Variants in VAMP7 observed in about 807,000 individuals in gnomAD.
VAMP7 encodes the protein vesicle-associated membrane protein 7.
VAMP7 carries 14 observed loss-of-function variants against 29.6 expected under a neutral mutation model. The observed-to-expected ratio is 0.47, with a 90% confidence interval of 0.31 to 0.74. The LOEUF is 0.74. VAMP7 is among the 30% of genes least tolerant of loss of function. The pLI, the probability that VAMP7 is intolerant of heterozygous loss-of-function variation, is 0.05. For missense variants in VAMP7, 223 were observed against 262.4 expected (o/e 0.85, Z 1.04); for synonymous variants, 95 against 88.1 (o/e 1.08, Z -0.44).
At chrX:155,909,878 CTG>C (rs1211595668) in intron 5 of VAMP7, among the ~76,000 whole-genome samples, 5 of 152,066 alleles carry the variant, frequency 3.3e-5, no homozygotes, top group Non-Finnish European at 7.4e-5. Flanking sequence ...CATGCAAAGA[CTG>C]TGTAATGATC....
chrX:155,934,676 A>C (rs1247401392), intron 6 of VAMP7, among the ~76,000 whole-genome samples: 2 of 152,088 alleles, frequency 1.3e-5, no homozygotes, highest in African/African-American at 4.8e-5. Flanking sequence ...TGTGTCTTTT[A>C]ATTGGAGCAT....
chrX:155,898,023 A>G, intron 3 of VAMP7, 89 bp from the exon 4 acceptor site: 1 of 1,491,462 alleles, frequency 6.7e-7, no homozygotes, highest in East Asian at 2.3e-5. Flanking sequence ...TGCTCAGTAA[A>G]TGTTAGCTGT....
rs771121932 is a variant in VAMP7 at position 155,898,163 on chromosome X, T to C, written c.256T>C (p.Phe86Leu). ...TTTTCTGAATGAGATAAAGAAGAGG[T>C]TCCAGACTACTTACGGTTCAAGAGC... Reference protein sequence around the residue: ...FNFLNEIKKRFQTTYGSRAQT... With the variant: ...FNFLNEIKKRLQTTYGSRAQT... Residue 86 changes from phenylalanine (F) to leucine (L), a missense_variant, in exon 4 of 8, where the codon TTC becomes CTC. Coordinates refer to ENST00000286448, the MANE Select transcript of VAMP7 (RefSeq NM_005638.6). 1.2e-6 allele frequency: 2 copies of C among 1,613,588 alleles called. No individual in the cohort carries two copies. The highest frequency in any genetic ancestry group is 1.7e-6 in the Non-Finnish European group (2 of 1,179,642).
At chrX:155,893,993 G>C (rs2065955342) in intron 2 of VAMP7, among the ~76,000 whole-genome samples, 1 of 152,174 alleles carries the variant, frequency 6.6e-6, no homozygotes. Context: ...AAAAGATTTT[G>C]CCTGAGTTCC....
Position 155,942,347 on chromosome X carries a change from ACATCT to A in VAMP7, c.*402_*406del. ...AAGTATTCAAGAGACAGTATTGCTA[ACATCT>A]CATCTTAATGTCTTTTGTTATTGAG... is the stretch of plus-strand genomic sequence containing the variant. On this transcript the variant is annotated 3_prime_UTR_variant, in exon 8 of 8. Transcript: ENST00000286448. 2 of 599,744 alleles carry A rather than the reference ACATCT, an allele frequency of 3.3e-6. No individual in the cohort carries two copies. The highest frequency in any genetic ancestry group is 5.7e-6 in the Non-Finnish European group (2 of 353,376). 37.2% of individuals were successfully genotyped at this position (599,744 alleles called of 1,614,324 possible).
chrX:155,930,491 A>C (rs1459390629), intron 6 of VAMP7, among the ~76,000 whole-genome samples: 2 of 18,366 alleles, frequency 1.1e-4, no homozygotes, highest in African/African-American at 1.1e-3. Context: ...AAACCAAACA[A>C]AAAAAAAAAA....
intron 2 of VAMP7, among the ~76,000 whole-genome samples, chrX:155,891,866 G>A (rs1446507598): frequency 6.6e-6 from 1 of 152,166 alleles, no homozygotes; most frequent in Non-Finnish European, 1.5e-5. Flanking sequence ...CTAGAGGTTA[G>A]GGGTTAAATA....
chrX:155,886,053 A>G (rs1479916460), intron 1 of VAMP7, among the ~76,000 whole-genome samples: 1 of 152,122 alleles, frequency 6.6e-6, no homozygotes, highest in Non-Finnish European at 1.5e-5. Context: ...CAGTGTTGAT[A>G]TGGGGCTTTC....
chrX:155,929,362 C>T lies in VAMP7; in HGVS notation c.501+9482C>T, dbSNP rs1217346306. On this transcript the variant is annotated intron_variant, in intron 6 of 7. Coordinates refer to ENST00000286448, the MANE Select transcript of VAMP7 (RefSeq NM_005638.6). ...ATAGCATAAGCTATTGATTGCTATACATTGTCCTTTGTATCACAAATTCCA... is the reference window on the plus strand; with the variant it reads ...ATAGCATAAGCTATTGATTGCTATATATTGTCCTTTGTATCACAAATTCCA... Among the ~76,000 whole-genome samples the T allele has an allele frequency of 2.6e-5, 4 of 152,268 alleles. No individual in the cohort carries two copies. In the South Asian group the frequency reaches 8.3e-4, roughly 32 times the overall value.
chrX:155,892,592 T>A (rs2065937839), intron 2 of VAMP7, among the ~76,000 whole-genome samples: 1 of 152,166 alleles, frequency 6.6e-6, no homozygotes, highest in Non-Finnish European at 1.5e-5. Flanking sequence ...CTTAATTTTT[T>A]AAAAATCTCA....
chrX:155,902,164 C>T (rs977340828), intron 5 of VAMP7, among the ~76,000 whole-genome samples: 3 of 152,010 alleles, frequency 2.0e-5, no homozygotes, highest in Admixed American at 2.0e-4. Context: ...CATGATTTGA[C>T]TCTCTGTCCG....
chrX:155,924,550 G>T lies in VAMP7; in HGVS notation c.501+4670G>T, dbSNP rs750124008. 7.2e-5 allele frequency among the ~76,000 whole-genome samples: 11 copies of T among 152,092 alleles called. No homozygotes were observed. The East Asian group carries it at 1.5e-3, about 21-fold the overall frequency. On this transcript the variant is annotated intron_variant, in intron 6 of 7. Transcript: ENST00000286448. ...ATATAAGTGGGATCATACAAAATTTGCCCTTTTGTGTCTGGCTTATTTCAC... is the reference window on the plus strand; with the variant it reads ...ATATAAGTGGGATCATACAAAATTTTCCCTTTTGTGTCTGGCTTATTTCAC...
chrX:155,906,632 A>G lies in VAMP7; in HGVS notation c.433+6045A>G, dbSNP rs183163400. Among the ~76,000 whole-genome samples the G allele has an allele frequency of 3.3e-5, 5 of 152,304 alleles. No individual in the cohort carries two copies. In the East Asian group the frequency reaches 9.6e-4, roughly 29 times the overall value. ...TTCGGATTGTTCAGTACTAATGTAT[A>G]GAAATTTTATTGATTTTTATAAATT... On this transcript the variant is annotated intron_variant, in intron 5 of 7. Transcript: ENST00000286448.
At chrX:155,900,101 A>C (rs2066041118) in intron 4 of VAMP7, among the ~76,000 whole-genome samples, 1 of 151,978 alleles carries the variant, frequency 6.6e-6, no homozygotes, top group Non-Finnish European at 1.5e-5. Context: ...CATACTCAAG[A>C]AGTGGGGAAC....
chrX:155,940,377 A>G (rs373561011), intron 7 of VAMP7, among the ~76,000 whole-genome samples: 2 of 152,054 alleles, frequency 1.3e-5, no homozygotes, highest in African/African-American at 2.4e-5. Context: ...CTTCTCCTCT[A>G]CCACAGCTTG....
At chrX:155,895,797 G>A in intron 3 of VAMP7, 117 bp downstream of exon 3, 3 of 739,946 alleles carry the variant, frequency 4.1e-6, no homozygotes, top group Non-Finnish European at 6.8e-6. Flanking sequence ...ACAGGTCTGT[G>A]GCTTGTTAGG....
At chrX:155,930,809 C>T (rs1358618471) in intron 6 of VAMP7, among the ~76,000 whole-genome samples, 1 of 151,842 alleles carries the variant, frequency 6.6e-6, no homozygotes, top group African/African-American at 2.4e-5. Flanking sequence ...GTGCTGCACC[C>T]ATTAACTCAT....
chrX:155,895,775 C>G (rs1302317435), intron 3 of VAMP7, 95 bp downstream of exon 3: 2 of 1,048,160 alleles, frequency 1.9e-6, no homozygotes, highest in East Asian at 4.8e-5. Flanking sequence ...AACCCCCAGG[C>G]TGCAGACCGG....
chrX:155,908,588 G>A (rs1214189866), intron 5 of VAMP7, among the ~76,000 whole-genome samples: 1 of 134,642 alleles, frequency 7.4e-6, no homozygotes, highest in Non-Finnish European at 1.6e-5. Context: ...GAGGGAGAGG[G>A]AGAGCCATTT....
Sources: allele counts gnomAD v4.1 joint callset (sites outside exome capture counted in the v4.1 genomes callset), GRCh38; gene constraint gnomAD v4.1.1; transcripts MANE v1.5; gene names NCBI Gene and HGNC (gene_info 2026-07-23, HGNC 2026-07-21).